Variants in NAA11 observed in about 807,000 individuals in gnomAD.
NAA11 encodes N-alpha-acetyltransferase 11.
Under a neutral mutation model 16.1 loss-of-function variants are expected in NAA11, and 15 were observed. The ratio of observed to expected loss-of-function variants is 0.93; its 90% CI spans 0.62 to 1.44. NAA11 has a LOEUF of 1.44. Among genes scored for constraint, NAA11 ranks in the 40% most tolerant of loss-of-function variants. The pLI, the probability that NAA11 is intolerant of heterozygous loss-of-function variation, is 0.00. For missense variants in NAA11, 298 were observed against 291.3 expected (o/e 1.02, Z -0.17); for synonymous variants, 122 against 112.4 (o/e 1.09, Z -0.54).
At chr4:79,322,909 T>C (rs1346867812) in intron 1 of NAA11, among the ~76,000 whole-genome samples, 4 of 152,172 alleles carry the variant, frequency 2.6e-5, no homozygotes, top group Non-Finnish European at 5.9e-5. Flanking sequence ...TAAATTTTTA[T>C]AACATACTGA....
At chr4:79,237,385 G>T (rs1216776744) in intron 2 of NAA11, among the ~76,000 whole-genome samples, 1 of 152,200 alleles carries the variant, frequency 6.6e-6, no homozygotes, top group African/African-American at 2.4e-5. Context: ...TCAGCCTACA[G>T]AAGGTGTGTG....
chr4:79,164,640 G>A, the NAA11 span, among the ~76,000 whole-genome samples: 2 of 152,132 alleles, frequency 1.3e-5, no homozygotes, highest in East Asian at 3.9e-4. Context: ...GTCACCAGTG[G>A]CCCCAACACA....
downstream of NAA11, among the ~76,000 whole-genome samples, chr4:79,316,065 C>T (rs185421375): frequency 5.2e-4 from 79 of 152,250 alleles, no homozygotes; most frequent in African/African-American, 1.4e-3. Context: ...GTCAATGTGC[C>T]TGGTGCTGGA....
At chr4:79,198,543 T>C in the NAA11 span, among the ~76,000 whole-genome samples, 1 of 151,860 alleles carries the variant, frequency 6.6e-6, no homozygotes, top group Admixed American at 6.6e-5. Flanking sequence ...TTTTCTGAGG[T>C]CTGGGGTATC....
chr4:79,288,925 T>A (rs1412996025), intron 2 of NAA11, among the ~76,000 whole-genome samples: 1 of 152,242 alleles, frequency 6.6e-6, no homozygotes. Context: ...ACTTTTTCAC[T>A]TATTAAATGA....
At chr4:79,238,864 G>A (rs892355526) in intron 2 of NAA11, among the ~76,000 whole-genome samples, 1 of 152,150 alleles carries the variant, frequency 6.6e-6, no homozygotes, top group African/African-American at 2.4e-5. Flanking sequence ...TCTTGGTCAA[G>A]GTTTATGCCA....
At chr4:79,164,823 G>A in the NAA11 span, among the ~76,000 whole-genome samples, 1 of 152,192 alleles carries the variant, frequency 6.6e-6, no homozygotes, top group South Asian at 2.1e-4. Flanking sequence ...TGCAAGGACA[G>A]CAGAAAGATT....
chr4:79,315,682 TA>T (rs879768022), downstream of NAA11, among the ~76,000 whole-genome samples: 240 of 142,664 alleles, frequency 1.7e-3, no homozygotes, highest in Middle Eastern at 3.6e-3. Flanking sequence ...CCTTCAGAAT[TA>T]AAAAAAAAAA....
intron 2 of NAA11, among the ~76,000 whole-genome samples, chr4:79,240,366 G>T (rs904363839): frequency 1.3e-5 from 2 of 152,174 alleles, no homozygotes; most frequent in African/African-American, 4.8e-5. Flanking sequence ...ATACAGAAAT[G>T]AGGTTCCATT....
At chr4:79,227,698 T>G (rs1246003773) in intron 2 of NAA11, 1 of 151,900 alleles carries the variant, frequency 6.6e-6, no homozygotes, top group East Asian at 1.9e-4. Context: ...GCCTGCTGAG[T>G]GTGGAGAGTT....
chr4:79,311,152 T>C (rs988013125), intron 1 of NAA11, among the ~76,000 whole-genome samples: 3 of 152,168 alleles, frequency 2.0e-5, no homozygotes, highest in African/African-American at 7.2e-5. Flanking sequence ...TTTTCCTCAT[T>C]AAAGACAGGA....
At chr4:79,296,242 C>T (rs1479892610) in intron 1 of NAA11, among the ~76,000 whole-genome samples, 1 of 152,078 alleles carries the variant, frequency 6.6e-6, no homozygotes, top group Non-Finnish European at 1.5e-5. Flanking sequence ...ACTAATTATC[C>T]CCTTTTTACA....
chr4:79,227,271 G>A (rs1325165537), intron 2 of NAA11: 1 of 151,934 alleles, frequency 6.6e-6, no homozygotes, highest in African/African-American at 2.4e-5. Flanking sequence ...TCTGACAAAA[G>A]GCTAATATCC....
chr4:79,248,329 C>G (rs1721892588), intron 2 of NAA11, among the ~76,000 whole-genome samples: 1 of 152,134 alleles, frequency 6.6e-6, no homozygotes. Context: ...CACACACACC[C>G]ATAACCAACC....
At chr4:79,193,149 A>G in the NAA11 span, among the ~76,000 whole-genome samples, 1 of 152,072 alleles carries the variant, frequency 6.6e-6, no homozygotes, top group Non-Finnish European at 1.5e-5. Flanking sequence ...AGTAGATTGC[A>G]AAAATTTTCT....
chr4:79,173,347 C>T, the NAA11 span, among the ~76,000 whole-genome samples: 14 of 152,072 alleles, frequency 9.2e-5, no homozygotes, highest in East Asian at 5.8e-4. Flanking sequence ...TGGTACTCTA[C>T]GGTTGGCACC....
the NAA11 span, among the ~76,000 whole-genome samples, chr4:79,155,523 A>T: frequency 6.6e-6 from 1 of 152,222 alleles, no homozygotes; most frequent in East Asian, 1.9e-4. Flanking sequence ...CATGGTAGAA[A>T]GGGAGAGCGT....
the NAA11 span, among the ~76,000 whole-genome samples, chr4:79,209,284 A>C: frequency 6.6e-6 from 1 of 152,210 alleles, no homozygotes; most frequent in African/African-American, 2.4e-5. Context: ...TGTGTTAGTG[A>C]GATGAATAAT....
At chr4:79,257,597 C>G (rs1722147191) in intron 2 of NAA11, among the ~76,000 whole-genome samples, 1 of 151,972 alleles carries the variant, frequency 6.6e-6, no homozygotes, top group South Asian at 2.1e-4. Flanking sequence ...TTTCTTTTTA[C>G]TGCATATTTC....
Sources: allele counts gnomAD v4.1 joint callset (sites outside exome capture counted in the v4.1 genomes callset), GRCh38; gene constraint gnomAD v4.1.1; transcripts MANE v1.5; gene names NCBI Gene and HGNC (gene_info 2026-07-23, HGNC 2026-07-21).